Variants in PCDHA7 observed in about 807,000 individuals in gnomAD.
The protein encoded by PCDHA7 is protocadherin alpha 7.
A neutral mutation model predicts 57.2 loss-of-function variants in PCDHA7; 37 were observed. The ratio of observed to expected loss-of-function variants is 0.65; its 90% CI spans 0.50 to 0.85. The LOEUF is 0.85. PCDHA7 is among the 40% of genes least tolerant of loss of function. The pLI is 0.00. For synonymous variants in PCDHA7, 553 were observed against 558.8 expected, an observed-to-expected ratio of 0.99 and a Z score of 0.15; for missense variants, 1,188 against 1,241.8, an observed-to-expected ratio of 0.96 and a Z score of 0.65.
chr5:140,935,996 G>A (rs145363850), intron 1 of PCDHA7, among the ~76,000 whole-genome samples: 2 of 150,844 alleles, frequency 1.3e-5, no homozygotes, highest in African/African-American at 4.9e-5. Context: ...GGGTTCAAGC[G>A]ATTCTCCCAC....
At chr5:140,868,370 A>C (rs1424656791) in intron 1 of PCDHA7, 2 of 152,204 alleles carry the variant, frequency 1.3e-5, no homozygotes, top group African/African-American at 4.8e-5. Flanking sequence ...TGTAAATAAC[A>C]GTAAAGAATG....
chr5:140,873,205 T>TTTTAAAAGTATTCTTAA (rs2054160501), intron 1 of PCDHA7, among the ~76,000 whole-genome samples: 1 of 152,206 alleles, frequency 6.6e-6, no homozygotes, highest in Non-Finnish European at 1.5e-5. Flanking sequence ...AAACATTCTT[T>TTTTAAAAGTATTCTTAA]AAGTATTAAA....
intron 1 of PCDHA7, among the ~76,000 whole-genome samples, chr5:140,914,094 T>A (rs563496078): frequency 6.9e-4 from 105 of 152,324 alleles, no homozygotes; most frequent in African/African-American, 2.5e-3. Context: ...GTCAATTTGT[T>A]CTATAGTGCA....
intron 1 of PCDHA7, among the ~76,000 whole-genome samples, chr5:140,915,190 G>T (rs1317793585): frequency 1.3e-5 from 2 of 151,978 alleles, no homozygotes; most frequent in African/African-American, 4.8e-5. Flanking sequence ...CTAGTGATCC[G>T]CCCATCTTGG....
In PCDHA7 at chr5:141,000,611, A is replaced by T. The variant is rs185617081; in HGVS notation, c.2504-9016A>T. Among the ~76,000 whole-genome samples the T allele has an allele frequency of 4.7e-3, 713 of 150,994 alleles. 3 individuals carry two copies. Among genetic ancestry groups the T allele is most frequent in the Non-Finnish European group, 7.5e-3 (505 of 67,758 alleles). ...CCCAGCTAATTTTTGTATTTTTAGT[A>T]GAGACAGGGTTTCACCATGTTGGGC... On this transcript the variant is annotated intron_variant, in intron 3 of 3. Transcript: ENST00000525929.
chr5:140,901,270 C>T (rs2068553355), intron 1 of PCDHA7, among the ~76,000 whole-genome samples: 2 of 152,246 alleles, frequency 1.3e-5, no homozygotes, highest in South Asian at 4.1e-4. Flanking sequence ...TGGGGTATTA[C>T]TCAAGAAATT....
intron 1 of PCDHA7, among the ~76,000 whole-genome samples, chr5:140,915,401 A>G (rs536178543): frequency 1.3e-5 from 2 of 152,300 alleles, no homozygotes; most frequent in African/African-American, 4.8e-5. Flanking sequence ...TATTTCTTAT[A>G]GTCTTTGCAG....
chr5:140,888,748 T>C (rs782271029), intron 1 of PCDHA7, among the ~76,000 whole-genome samples: 13 of 152,122 alleles, frequency 8.5e-5, no homozygotes, highest in Admixed American at 7.9e-4. Flanking sequence ...GGAATTATTC[T>C]ACCCACTTTT....
chr5:140,869,878 A>T, intron 1 of PCDHA7: 1 of 1,610,122 alleles, frequency 6.2e-7, no homozygotes, highest in Non-Finnish European at 8.5e-7. Flanking sequence ...TGCTAAAGAA[A>T]CTCTTGTGCT....
At chr5:140,928,109 A>C (rs1472439079) in intron 1 of PCDHA7, 1 of 1,613,986 alleles carries the variant, frequency 6.2e-7, no homozygotes, top group African/African-American at 1.3e-5. Context: ...CTGGACCGGG[A>C]GCAGATCAGT....
chr5:140,915,367 G>A lies in PCDHA7; in HGVS notation c.2356-63582G>A, dbSNP rs185020793. On this transcript the variant is annotated intron_variant, in intron 1 of 3. Coordinates refer to ENST00000525929, the MANE Select transcript of PCDHA7 (RefSeq NM_018910.3). Reference sequence around the variant, plus strand: ...TCTGTATGCCTATTCTTACCAGTAAGTGTCTCGGCATTGAAGAGCTAGGTA... The same window carrying A: ...TCTGTATGCCTATTCTTACCAGTAAATGTCTCGGCATTGAAGAGCTAGGTA... Among the ~76,000 whole-genome samples, 5 of 152,278 alleles carry A rather than the reference G, an allele frequency of 3.3e-5. No individual in the cohort carries two copies. In the East Asian group the frequency reaches 9.7e-4, roughly 29 times the overall value.
chr5:140,891,378 T>C (rs141028628), intron 1 of PCDHA7, among the ~76,000 whole-genome samples: 2 of 152,104 alleles, frequency 1.3e-5, no homozygotes, highest in African/African-American at 4.8e-5. Context: ...CATTGCACCA[T>C]ATTTGCAATC....
chr5:140,858,273 C>G, intron 1 of PCDHA7: 1 of 1,596,972 alleles, frequency 6.3e-7, no homozygotes, highest in Non-Finnish European at 8.6e-7. Context: ...TGCTCTAGCG[C>G]GGTGGGGAGC....
chr5:140,928,533 T>C (rs112671808), intron 1 of PCDHA7: 1 of 1,614,230 alleles, frequency 6.2e-7, no homozygotes, highest in African/African-American at 1.3e-5. Flanking sequence ...TTGTGGTAGA[T>C]AGGAATGACA....
intron 1 of PCDHA7, among the ~76,000 whole-genome samples, chr5:140,936,010 A>G (rs1470244912): frequency 6.6e-6 from 1 of 150,776 alleles, no homozygotes; most frequent in Non-Finnish European, 1.5e-5. Context: ...CTCCCACCTC[A>G]GCCTCCCGAG....
Position 140,835,845 on chromosome 5 carries a change from G to A in PCDHA7, c.1462G>A (p.Ala488Thr), listed in dbSNP as rs2150246372. ...SAGDADAQKN[A>T]LVSYSLVELR... is the part of the protein sequence containing the mutation. ...GGGGGACGCGGACGCGCAGAAGAAC[G>A]CGCTGGTGTCCTACTCGCTGGTGGA... The change falls in exon 1 of 4, where the codon GCG becomes ACG. Residue 488 changes from alanine (A) to threonine (T), a missense_variant. By Grantham distance (58) the Ala-to-Thr change is moderately conservative (BLOSUM62 0). Around this residue, in one of 3 missense-constraint regions of PCDHA7, gnomAD observed 892 missense variants for 788.5 expected, o/e 1.13. Coordinates refer to ENST00000525929, the MANE Select transcript of PCDHA7 (RefSeq NM_018910.3). The A allele has an allele frequency of 2.5e-6, 4 of 1,612,312 alleles. No individual in the cohort carries two copies. The highest frequency in any genetic ancestry group is 1.7e-6 in the Non-Finnish European group (2 of 1,179,652).
chr5:140,996,301 AC>A (rs1306218777), intron 3 of PCDHA7, among the ~76,000 whole-genome samples: 1 of 152,240 alleles, frequency 6.6e-6, no homozygotes, highest in African/African-American at 2.4e-5. Context: ...ACAGATTGTA[AC>A]AAAGTAAGGG....
chr5:140,845,146 T>C (rs1001510444), intron 1 of PCDHA7, among the ~76,000 whole-genome samples: 2 of 149,652 alleles, frequency 1.3e-5, no homozygotes, highest in African/African-American at 4.9e-5. Context: ...TTTGAACACA[T>C]TGTGTAAAAG....
At chr5:140,929,192 A>C (rs1367500775) in intron 1 of PCDHA7, 1 of 1,614,124 alleles carries the variant, frequency 6.2e-7, no homozygotes, top group Non-Finnish European at 8.5e-7. Context: ...TCTGATAATA[A>C]CAGTTTGCTG....
Sources: gnomAD v4.1 joint callset for allele counts (sites outside exome capture counted in the v4.1 genomes callset) on GRCh38, gnomAD v4.1.1 for gene constraint, gnomAD v4.1.1 regional missense constraint, MANE v1.5 for transcripts, NCBI Gene and HGNC (gene_info 2026-07-23, HGNC 2026-07-21) for gene names.